Variants in GALNT10 observed in about 807,000 individuals in gnomAD.
GALNT10 encodes polypeptide N-acetylgalactosaminyltransferase 10, also known as GalNAc transferase 10.
GALNT10 carries 41 observed loss-of-function variants against 75.0 expected under a neutral mutation model. The ratio of observed to expected loss-of-function variants is 0.55; its 90% confidence interval spans 0.43 to 0.71. The LOEUF is 0.71. Among genes scored for constraint, GALNT10 ranks in the 30% least tolerant of loss-of-function variants. The pLI is 0.00. For synonymous variants in GALNT10, 302 were observed against 313.0 expected, an observed-to-expected ratio of 0.96 and a Z score of 0.37; for missense variants, 727 against 818.5, an observed-to-expected ratio of 0.89 and a Z score of 1.36.
At chr5:154,299,277 C>G (rs778214534) in intron 3 of GALNT10, among the ~76,000 whole-genome samples, 2 of 152,196 alleles carry the variant, frequency 1.3e-5, no homozygotes, top group Non-Finnish European at 2.9e-5. Context: ...AGTGTTTTAA[C>G]AAGGCCTCCA....
intron 1 of GALNT10, among the ~76,000 whole-genome samples, chr5:154,192,474 C>G (rs1356367213): frequency 6.6e-6 from 1 of 152,184 alleles, no homozygotes; most frequent in African/African-American, 2.4e-5. Flanking sequence ...TATTCAGTAC[C>G]AGCATCAGAG....
At chr5:154,220,795 G>A (rs1374505135) in intron 1 of GALNT10, among the ~76,000 whole-genome samples, 1 of 152,212 alleles carries the variant, frequency 6.6e-6, no homozygotes, top group Non-Finnish European at 1.5e-5. Context: ...ACTCTGGGGT[G>A]AACACAAATG....
At chr5:154,276,466 A>G (rs1239683129) in intron 1 of GALNT10, among the ~76,000 whole-genome samples, 1 of 119,464 alleles carries the variant, frequency 8.4e-6, no homozygotes, top group African/African-American at 2.7e-5. Flanking sequence ...GGTTAAGTCG[A>G]CCTGGATAAT....
chr5:154,394,530 C>G (rs1755977267), intron 7 of GALNT10, among the ~76,000 whole-genome samples: 1 of 152,156 alleles, frequency 6.6e-6, no homozygotes, highest in African/African-American at 2.4e-5. Flanking sequence ...CCCAGATGCC[C>G]TGGCTCCAAG....
chr5:154,289,861 T>A (rs1754167598), intron 1 of GALNT10, among the ~76,000 whole-genome samples: 1 of 152,186 alleles, frequency 6.6e-6, no homozygotes, highest in South Asian at 2.1e-4. Flanking sequence ...ACACAGTATC[T>A]GTGCTGTCAA....
intron 3 of GALNT10, among the ~76,000 whole-genome samples, chr5:154,316,285 T>G (rs1353239343): frequency 6.6e-6 from 1 of 152,216 alleles, no homozygotes. Flanking sequence ...GATTTTCTCT[T>G]TGTGTTGGGA....
intron 2 of GALNT10, among the ~76,000 whole-genome samples, chr5:154,296,245 C>T (rs1018052631): frequency 6.6e-6 from 1 of 152,126 alleles, no homozygotes; most frequent in Non-Finnish European, 1.5e-5. Context: ...TGCCACCACA[C>T]CAGGCTAATT....
At chr5:154,262,004 C>A (rs1022263006) in intron 1 of GALNT10, among the ~76,000 whole-genome samples, 1 of 152,096 alleles carries the variant, frequency 6.6e-6, no homozygotes, top group Non-Finnish European at 1.5e-5. Context: ...GTGGGATACT[C>A]CATAAAAGAG....
chr5:154,225,937 A>G (rs113740076), intron 1 of GALNT10, among the ~76,000 whole-genome samples: 24,921 of 151,974 alleles, frequency 0.16, 2,271 homozygotes, highest in Non-Finnish European at 0.21. Context: ...GAACAATGAG[A>G]ACACTTGGAC....
chr5:154,286,387 T>G (rs1447397559), intron 1 of GALNT10, among the ~76,000 whole-genome samples: 246 of 79,316 alleles, frequency 3.1e-3, no homozygotes, highest in African/African-American at 0.015. Context: ...GTCGATTTGT[T>G]TTTTTTTTTT....
At chr5:154,401,828 C>A (rs189694671) in intron 7 of GALNT10, among the ~76,000 whole-genome samples, 2 of 152,258 alleles carry the variant, frequency 1.3e-5, no homozygotes, top group African/African-American at 4.8e-5. Context: ...ATGTGAAGCC[C>A]AATCCCCACG....
At chr5:154,318,644 T>C (rs1754632530) in intron 3 of GALNT10, among the ~76,000 whole-genome samples, 1 of 152,254 alleles carries the variant, frequency 6.6e-6, no homozygotes, top group Admixed American at 6.5e-5. Context: ...GTCTGGCATA[T>C]TGGAAATCCT....
chr5:154,286,867 T>C (rs2113063150), intron 1 of GALNT10, among the ~76,000 whole-genome samples: 1 of 152,250 alleles, frequency 6.6e-6, no homozygotes, highest in East Asian at 1.9e-4. Context: ...TGCTGGGTTG[T>C]AATGCCTCCT....
intron 1 of GALNT10, among the ~76,000 whole-genome samples, chr5:154,282,713 G>A (rs573028869): frequency 6.6e-6 from 1 of 152,310 alleles, no homozygotes; most frequent in African/African-American, 2.4e-5. Flanking sequence ...ATAGGATAAA[G>A]TCAATCCTCA....
chr5:154,380,599 A>G lies in GALNT10; in HGVS notation c.906A>G (p.Glu302=). 6.2e-7 allele frequency: 1 copy of G among 1,613,826 alleles called. No individual in the cohort carries two copies. Among genetic ancestry groups the G allele is most frequent in the Non-Finnish European group, 8.5e-7 (1 of 1,179,776 alleles). ...ACAAGCGGATCCCGATCCCTCCAGA[A>G]CTGCAGAAAGCTGACCCCAGCGACC... ...MYYKRIPIPP[E]LQKADPSDPF... The change falls in exon 6 of 12, where the codon GAA becomes GAG. Residue 302 remains glutamate (E), a synonymous_variant. Transcript: ENST00000297107.
At chr5:154,324,983 T>C (rs1754735323) in intron 3 of GALNT10, among the ~76,000 whole-genome samples, 2 of 152,056 alleles carry the variant, frequency 1.3e-5, no homozygotes, top group Admixed American at 1.3e-4. Context: ...AAAAACAAGA[T>C]GGAAGATTAG....
intron 1 of GALNT10, among the ~76,000 whole-genome samples, chr5:154,247,882 C>G (rs184800649): frequency 0.015 from 2,312 of 152,270 alleles, 47 homozygotes; most frequent in African/African-American, 0.054. Flanking sequence ...GCATCCCTGT[C>G]TTGTGGCAGT....
chr5:154,225,064 G>A (rs1269477721), intron 1 of GALNT10, among the ~76,000 whole-genome samples: 1 of 150,926 alleles, frequency 6.6e-6, no homozygotes, highest in African/African-American at 2.4e-5. Flanking sequence ...TTACAGGCGT[G>A]AGCCACCACA....
intron 1 of GALNT10, among the ~76,000 whole-genome samples, chr5:154,243,628 G>C (rs1753373986): frequency 6.6e-6 from 1 of 152,172 alleles, no homozygotes; most frequent in African/African-American, 2.4e-5. Flanking sequence ...AGCAATAATA[G>C]TTCTTTCTCA....
Sources: gnomAD v4.1 joint callset for allele counts (sites outside exome capture counted in the v4.1 genomes callset) on GRCh38, gnomAD v4.1.1 for gene constraint, MANE v1.5 for transcripts, NCBI Gene and HGNC (gene_info 2026-07-23, HGNC 2026-07-21) for gene names.